CCSER2: variants seen among roughly 807,000 people sequenced by gnomAD.
The protein encoded by CCSER2 is serine-rich coiled-coil domain-containing protein 2.
CCSER2 carries 46 observed loss-of-function variants against 92.3 expected under a neutral mutation model. The ratio of observed to expected loss-of-function variants is 0.50; its 90% CI spans 0.39 to 0.64. CCSER2 has a LOEUF of 0.64. Ranked by LOEUF, CCSER2 falls within the 30% of genes least tolerant of loss-of-function variation. The pLI is 0.00. For missense variants in CCSER2, 1,244 were observed against 1,238.9 expected (o/e 1.00, Z -0.06); for synonymous variants, 433 against 431.4 (o/e 1.00, Z -0.04).
At position 84,479,342 on chromosome 10, in the gene CCSER2, T is replaced by G. The variant is rs140387816; in HGVS notation, c.2325+1678T>G. The stretch of plus-strand genomic sequence containing the variant: ...ATAACTTAGGACTCTTGACTGCTAG[T>G]TCTAGGTTCTTTTCCCCAAAAGCAC... On this transcript the variant is annotated intron_variant, in intron 9 of 9. Transcript: ENST00000372088. 2.4e-3 allele frequency among the ~76,000 whole-genome samples: 358 copies of G among 152,304 alleles called. 5 individuals are homozygous for G. Among genetic ancestry groups the G allele is most frequent in the African/African-American group, 8.2e-3 (340 of 41,582 alleles).
chr10:84,389,181 C>T, intron 3 of CCSER2: 1 of 309,894 alleles, frequency 3.2e-6, no homozygotes, highest in South Asian at 3.2e-5. Context: ...GCTGGCCATT[C>T]TACCGCACCA....
chr10:84,430,461 G>A (rs1171889868), intron 5 of CCSER2, among the ~76,000 whole-genome samples: 1 of 152,132 alleles, frequency 6.6e-6, no homozygotes, highest in African/African-American at 2.4e-5. Context: ...GAGATTTTAA[G>A]CAGTGCACTA....
In CCSER2 at chr10:84,407,732, T is replaced by C. The variant is rs186626025; in HGVS notation, c.1615-10039T>C. ...CTTTTTAAAACTCTTTAGTTTTGTTTACCTGGGCATATCCTGTACCCAGGT... is the reference window on the plus strand; with the variant it reads ...CTTTTTAAAACTCTTTAGTTTTGTTCACCTGGGCATATCCTGTACCCAGGT... On this transcript the variant is annotated intron_variant, in intron 3 of 9. Transcript: ENST00000372088. 1.3e-5 allele frequency among the ~76,000 whole-genome samples: 2 copies of C among 152,242 alleles called. 1 individual carries two copies. The highest frequency in any genetic ancestry group is 4.1e-4 in the South Asian group (2 of 4,836).
chr10:84,391,508 A>G (rs12764736), intron 3 of CCSER2: 102,073 of 1,526,578 alleles, frequency 0.067, 3,919 homozygotes, highest in Admixed American at 0.13. Context: ...TTTCATGCCA[A>G]TACTGGGAAT....
intron 1 of CCSER2, among the ~76,000 whole-genome samples, chr10:84,352,317 C>CAAACAAAAA (rs78015613): frequency 6.6e-6 from 1 of 151,638 alleles, no homozygotes; most frequent in Admixed American, 6.6e-5. Flanking sequence ...AAAACAAAAA[C>CAAACAAAAA]AAAATAGGTG....
At chr10:84,384,440 G>T (rs1841078098) in intron 3 of CCSER2, among the ~76,000 whole-genome samples, 1 of 152,166 alleles carries the variant, frequency 6.6e-6, no homozygotes, top group African/African-American at 2.4e-5. Context: ...GATCAAGTGG[G>T]TTTTATTTTA....
At chr10:84,481,298 T>C (rs747059523) in intron 9 of CCSER2, among the ~76,000 whole-genome samples, 24 of 152,242 alleles carry the variant, frequency 1.6e-4, no homozygotes, top group Non-Finnish European at 2.9e-4. Context: ...TCTTTCTTCC[T>C]CCTGGCCTGA....
At chr10:84,394,731 T>TAAGA (rs10676597) in intron 3 of CCSER2, among the ~76,000 whole-genome samples, 145,936 of 151,900 alleles carry the variant, frequency 0.96, 70,164 homozygotes, top group East Asian at 1. Flanking sequence ...ATTTTTAAAA[T>TAAGA]AAGATATAAC....
intron 6 of CCSER2, among the ~76,000 whole-genome samples, chr10:84,462,099 T>C (rs1846134235): frequency 6.6e-6 from 1 of 152,166 alleles, no homozygotes; most frequent in East Asian, 1.9e-4. Flanking sequence ...TGATCTTAGG[T>C]TATTTTTCAA....
chr10:84,391,660 C>T (rs1212084379), intron 3 of CCSER2: 12 of 1,537,078 alleles, frequency 7.8e-6, no homozygotes, highest in African/African-American at 1.4e-5. Flanking sequence ...ACAGACCCAA[C>T]ACACCAAAGA....
intron 3 of CCSER2, among the ~76,000 whole-genome samples, chr10:84,407,517 A>G (rs1329935593): frequency 6.6e-6 from 1 of 152,156 alleles, no homozygotes. Context: ...CGTCCTGTAG[A>G]GTCTAACTCC....
intron 6 of CCSER2, among the ~76,000 whole-genome samples, chr10:84,445,347 G>A (rs1844846919): frequency 1.3e-5 from 2 of 152,130 alleles, no homozygotes; most frequent in Non-Finnish European, 2.9e-5. Context: ...AAGAGACGGG[G>A]TTTCACCATG....
At chr10:84,413,938 A>G (rs1387499646) in intron 3 of CCSER2, among the ~76,000 whole-genome samples, 2 of 152,022 alleles carry the variant, frequency 1.3e-5, no homozygotes, top group Admixed American at 6.6e-5. Context: ...GTTGGTTTAA[A>G]GTCTATTTTG....
chr10:84,430,423 C>T (rs1313554212), intron 5 of CCSER2, among the ~76,000 whole-genome samples: 1 of 152,072 alleles, frequency 6.6e-6, no homozygotes, highest in East Asian at 1.9e-4. Context: ...CTTGTTTGTC[C>T]CAATTGATAT....
intron 3 of CCSER2, among the ~76,000 whole-genome samples, chr10:84,382,484 A>G (rs1291465567): frequency 1.3e-5 from 2 of 152,210 alleles, no homozygotes; most frequent in African/African-American, 4.8e-5. Context: ...TAAATATTAT[A>G]ATCATTGTAT....
intron 1 of CCSER2, among the ~76,000 whole-genome samples, chr10:84,335,265 T>C (rs1262129136): frequency 7.2e-6 from 1 of 138,924 alleles, no homozygotes; most frequent in Non-Finnish European, 1.5e-5. Flanking sequence ...ACAGGGTCTC[T>C]GGACCCAGGC....
intron 6 of CCSER2, among the ~76,000 whole-genome samples, chr10:84,443,945 G>C (rs954463617): frequency 3.3e-5 from 5 of 152,068 alleles, no homozygotes; most frequent in Admixed American, 3.3e-4. Flanking sequence ...TTAACAGTGA[G>C]AACACATGGA....
chr10:84,512,621 G>A (rs1031050531), intron 9 of CCSER2, among the ~76,000 whole-genome samples: 1 of 152,176 alleles, frequency 6.6e-6, no homozygotes, highest in Admixed American at 6.5e-5. Context: ...GGAAGTACAT[G>A]TGAGGCACAC....
At chr10:84,331,971 C>G (rs1170030971) in intron 1 of CCSER2, among the ~76,000 whole-genome samples, 1 of 152,114 alleles carries the variant, frequency 6.6e-6, no homozygotes, top group Non-Finnish European at 1.5e-5. Flanking sequence ...TAGTATATAG[C>G]TGTTTATCAT....
Sources: gnomAD v4.1 joint callset for allele counts (sites outside exome capture counted in the v4.1 genomes callset) on GRCh38, gnomAD v4.1.1 for gene constraint, MANE v1.5 for transcripts, NCBI Gene and HGNC (gene_info 2026-07-23, HGNC 2026-07-21) for gene names.